Variants in ESRRG observed in about 807,000 individuals in gnomAD.
ESRRG encodes estrogen related receptor gamma.
In ESRRG, 13 loss-of-function variants were observed where a neutral mutation model predicts 44.0. That is an observed-to-expected ratio of 0.30 (90% CI 0.19 to 0.47). ESRRG has a LOEUF of 0.47. Ranked by LOEUF, ESRRG falls within the 20% of genes least tolerant of loss-of-function variation. The pLI is 1.00. For missense variants in ESRRG, 395 were observed against 580.6 expected (o/e 0.68, Z 3.29); for synonymous variants, 215 against 214.6 (o/e 1.00, Z -0.02).
intron 1 of ESRRG, among the ~76,000 whole-genome samples, chr1:217,132,143 T>C (rs571560173): frequency 6.6e-6 from 1 of 152,244 alleles, no homozygotes; most frequent in African/African-American, 2.4e-5. Flanking sequence ...CCTTCATCTG[T>C]CCATGCTCAG....
At position 216,910,017 on chromosome 1, in the gene ESRRG, C is replaced by T. The variant is rs554536603; in HGVS notation, c.-14+29565G>A. ...TTTTAAAACATTTTAGCTATATAAA[C>T]TTAAAGGGGATAATTTCAATCAGAT... On this transcript the variant is annotated intron_variant, in intron 2 of 7. Transcript: ENST00000359162. Among the ~76,000 whole-genome samples, 3 of 152,130 alleles carry T rather than the reference C, an allele frequency of 2.0e-5. No individual in the cohort carries two copies. In the South Asian group the frequency reaches 6.2e-4, roughly 32 times the overall value.
chr1:216,880,744 G>A (rs191981816), intron 2 of ESRRG, among the ~76,000 whole-genome samples: 2 of 152,086 alleles, frequency 1.3e-5, no homozygotes, highest in South Asian at 2.1e-4. Flanking sequence ...AAATATGGCA[G>A]GAAAGTATAT....
chr1:216,614,345 T>TA (rs2150358822), intron 3 of ESRRG, among the ~76,000 whole-genome samples: 2 of 151,284 alleles, frequency 1.3e-5, no homozygotes, highest in South Asian at 4.2e-4. Context: ...CTCTTTCTCT[T>TA]TTTTTTTTGA....
intron 2 of ESRRG, among the ~76,000 whole-genome samples, chr1:216,873,876 A>AGGGAGGGGAG (rs747934203): frequency 8.7e-5 from 8 of 91,742 alleles, no homozygotes; most frequent in African/African-American, 3.1e-4. Context: ...ACAGGAGAGA[A>AGGGAGGGGAG]GGGAGGGAAG....
chr1:216,724,460 G>A (rs546490921), upstream of ESRRG, among the ~76,000 whole-genome samples: 1 of 150,162 alleles, frequency 6.7e-6, no homozygotes, highest in African/African-American at 2.5e-5. Context: ...CAAACTAGGA[G>A]GCATATAATT....
intron 2 of ESRRG, among the ~76,000 whole-genome samples, chr1:216,865,800 A>G (rs972231861): frequency 2.0e-5 from 3 of 152,226 alleles, no homozygotes; most frequent in African/African-American, 7.2e-5. Flanking sequence ...AATCAGAACT[A>G]AAGTTTTCTT....
intron 5 of ESRRG, among the ~76,000 whole-genome samples, chr1:216,556,369 C>T (rs1485865047): frequency 6.6e-6 from 1 of 152,062 alleles, no homozygotes; most frequent in Admixed American, 6.6e-5. Context: ...GTCACTTTAT[C>T]GTTCAAAAGA....
chr1:216,531,171 T>C (rs1572399432), intron 5 of ESRRG, among the ~76,000 whole-genome samples: 1 of 152,124 alleles, frequency 6.6e-6, no homozygotes, highest in Non-Finnish European at 1.5e-5. Flanking sequence ...GTCACAGATA[T>C]GAAATTATAG....
intron 1 of ESRRG, among the ~76,000 whole-genome samples, chr1:217,054,192 T>C (rs181618028): frequency 6.6e-6 from 1 of 152,256 alleles, no homozygotes; most frequent in East Asian, 1.9e-4. Flanking sequence ...ATTTCAGTTG[T>C]TTTTCATCAA....
intron 3 of ESRRG, among the ~76,000 whole-genome samples, chr1:216,607,076 T>C (rs550109344): frequency 2.0e-5 from 3 of 152,246 alleles, no homozygotes; most frequent in Non-Finnish European, 4.4e-5. Context: ...AATGGTTTTG[T>C]TGTCCTTAGG....
chr1:216,954,498 G>A (rs957331775), intron 1 of ESRRG, among the ~76,000 whole-genome samples: 1 of 152,120 alleles, frequency 6.6e-6, no homozygotes, highest in Non-Finnish European at 1.5e-5. Context: ...AGGGAAACAA[G>A]AGCAGAGTGC....
intron 1 of ESRRG, among the ~76,000 whole-genome samples, chr1:217,080,358 C>T (rs1234587835): frequency 6.6e-6 from 1 of 152,098 alleles, no homozygotes; most frequent in Non-Finnish European, 1.5e-5. Context: ...AAGCTGGAAT[C>T]CTTCAATAAA....
intron 1 of ESRRG, among the ~76,000 whole-genome samples, chr1:216,713,633 C>A (rs2084135121): frequency 6.6e-6 from 1 of 152,150 alleles, no homozygotes; most frequent in African/African-American, 2.4e-5. Context: ...CAGAGACGCA[C>A]CTGCTTATCA....
chr1:216,968,841 C>A (rs951680131), intron 1 of ESRRG, among the ~76,000 whole-genome samples: 4 of 152,076 alleles, frequency 2.6e-5, no homozygotes, highest in African/African-American at 9.7e-5. Context: ...TTGAGTCTTC[C>A]TATCCATGAA....
intron 2 of ESRRG, among the ~76,000 whole-genome samples, chr1:216,658,665 A>C (rs2071302607): frequency 1.9e-5 from 1 of 52,086 alleles, no homozygotes; most frequent in Non-Finnish European, 4.1e-5. Context: ...TACTAAAAAT[A>C]CAAAAAAAAA....
intron 5 of ESRRG, among the ~76,000 whole-genome samples, chr1:216,526,331 C>T (rs1047692768): frequency 3.3e-5 from 5 of 152,118 alleles, no homozygotes; most frequent in Admixed American, 2.0e-4. Flanking sequence ...AAAGTGGGCC[C>T]TAATGTAATA....
At chr1:216,598,127 A>G (rs555578953) in intron 3 of ESRRG, among the ~76,000 whole-genome samples, 3 of 152,360 alleles carry the variant, frequency 2.0e-5, no homozygotes, top group African/African-American at 4.8e-5. Context: ...GGCATCTTTG[A>G]GATACATGTT....
chr1:217,067,491 T>C (rs2089930217), intron 1 of ESRRG, among the ~76,000 whole-genome samples: 3 of 152,020 alleles, frequency 2.0e-5, no homozygotes, highest in African/African-American at 7.2e-5. Context: ...TGCCAGTTAA[T>C]GATGGTTTGA....
intron 1 of ESRRG, among the ~76,000 whole-genome samples, chr1:216,703,943 G>A (rs1440869208): frequency 2.0e-5 from 3 of 152,014 alleles, no homozygotes; most frequent in African/African-American, 7.3e-5. Flanking sequence ...TTTAAATGCA[G>A]GTAAAAAGGA....
Sources: allele counts gnomAD v4.1 joint callset (sites outside exome capture counted in the v4.1 genomes callset), GRCh38; gene constraint gnomAD v4.1.1; transcripts MANE v1.5; gene names NCBI Gene and HGNC (gene_info 2026-07-23, HGNC 2026-07-21).